DRC7: variants seen among roughly 807,000 people sequenced by gnomAD.
The protein encoded by DRC7 is coiled-coil domain containing 135.
Under a neutral mutation model 104.4 loss-of-function variants are expected in DRC7, and 80 were observed. The observed-to-expected ratio is 0.77, with a 90% confidence interval of 0.64 to 0.92. The LOEUF (loss-of-function observed/expected upper bound fraction) is 0.92, where lower values mean the gene tolerates loss of function less well. Among genes scored for constraint, DRC7 ranks in the 40% least tolerant of loss-of-function variants. DRC7 has a pLI of 0.00. For synonymous variants in DRC7, 405 were observed against 447.3 expected, an observed-to-expected ratio of 0.91 and a Z score of 1.19; for missense variants, 1,034 against 1,141.1, an observed-to-expected ratio of 0.91 and a Z score of 1.35.
intron 17 of DRC7, 27 bp downstream of exon 17, chr16:57,728,611 G>C (rs755018997): frequency 1.2e-5 from 18 of 1,531,294 alleles, no homozygotes; most frequent in African/African-American, 5.6e-5. Flanking sequence ...TGTTGGGGAG[G>C]GGGGGATCTC....
intron 16 of DRC7, 75 bp from the exon 17 acceptor site, chr16:57,728,315 C>G: frequency 7.2e-7 from 1 of 1,392,164 alleles, no homozygotes; most frequent in African/African-American, 1.5e-5. Flanking sequence ...TGTGCTGGCA[C>G]ACTGCTGATG....
chr16:57,722,636 G>A (rs1350524643), intron 10 of DRC7, 77 bp from the exon 11 acceptor site: 10 of 1,584,764 alleles, frequency 6.3e-6, no homozygotes, highest in Middle Eastern at 1.7e-4. Context: ...GGCAGTGGAT[G>A]GATGAATGGC....
rs775422506 is a variant in DRC7, at chr16:57,707,654, G to T, written c.1053G>T (p.Met351Ile). 7 of 1,613,302 alleles carry T rather than the reference G, an allele frequency of 4.3e-6. No homozygotes were observed. The highest frequency in any genetic ancestry group is 1.3e-5 in the African/African-American group (1 of 74,892). The change falls in exon 8 of 19, where the codon ATG (methionine) becomes ATT (isoleucine). Residue 351 changes from methionine to isoleucine, a missense_variant. Met to Ile is a conservative substitution (Grantham distance 10). Transcript: ENST00000360716. The stretch of plus-strand genomic sequence containing the variant: ...ACCACAAGAACTACTGGATCAACAT[G>T]CAGGATTGCTGGAACTGCTGCAAGG... ...LWNHKNYWIN[M>I]QDCWNCCKDL...
chr16:57,710,304 C>A (rs2148749090), intron 8 of DRC7, among the ~76,000 whole-genome samples: 1 of 152,192 alleles, frequency 6.6e-6, no homozygotes, highest in Admixed American at 6.5e-5. Flanking sequence ...TAAATTTCAC[C>A]TTCTGACTAT....
chr16:57,725,959 C>G, intron 13 of DRC7, 109 bp from the exon 14 acceptor site: 1 of 940,792 alleles, frequency 1.1e-6, no homozygotes. Flanking sequence ...CCAAACGACC[C>G]CAGACTCCAG....
At chr16:57,704,376 TACACACACACAC>T (rs55873452) in intron 6 of DRC7, among the ~76,000 whole-genome samples, 4 of 148,994 alleles carry the variant, frequency 2.7e-5, no homozygotes, top group Admixed American at 2.0e-4. Flanking sequence ...CACGCAAGCG[TACACACACACAC>T]ACACACACAC....
intron 12 of DRC7, among the ~76,000 whole-genome samples, chr16:57,723,402 G>C (rs545700482): frequency 6.6e-6 from 1 of 152,280 alleles, no homozygotes; most frequent in East Asian, 1.9e-4. Context: ...AATCAGGCCG[G>C]AACCTCACCA....
chr16:57,727,410 G>A lies in DRC7; in HGVS notation c.2196+1G>A, dbSNP rs2048985038. ...GAGCAAGGAATATCGGGAGGCCATG[G>A]TCAGTCCCAATCCCTTCTCCAGGCC... is the stretch of plus-strand genomic sequence containing the variant. On this transcript the variant is annotated splice_donor_variant, in intron 16 of 18. Coordinates refer to ENST00000360716, the MANE Select transcript of DRC7 (RefSeq NM_001289162.2). LOFTEE classifies it high-confidence loss of function. 1 of 1,609,648 alleles carries A rather than the reference G, an allele frequency of 6.2e-7. No individual in the cohort carries two copies. Among genetic ancestry groups the A allele is most frequent in the Admixed American group, 1.7e-5 (1 of 59,994 alleles).
chr16:57,700,397 C>T, intron 5 of DRC7, 127 bp downstream of exon 5: 1 of 1,277,496 alleles, frequency 7.8e-7, no homozygotes, highest in Non-Finnish European at 1.1e-6. Context: ...GCCTGTAATC[C>T]CAGCATTTTG....
In DRC7 at chr16:57,726,945, A is replaced by G. The variant is rs200458336; in HGVS notation, c.2085+3A>G. The G allele has an allele frequency of 6.9e-6, 11 of 1,586,674 alleles. No homozygotes were observed. The highest frequency in any genetic ancestry group is 3.4e-5 in the Admixed American group (2 of 59,666). ...AGGTCTGGGAGTCAGAGCTGGAGGT[A>G]GGGTCCTGTGGGAGAGTGAGCAGGT... On this transcript the variant is annotated splice_donor_region_variant and intron_variant, in intron 15 of 18. Coordinates refer to ENST00000360716, the MANE Select transcript of DRC7 (RefSeq NM_001289162.2).
intron 6 of DRC7, among the ~76,000 whole-genome samples, chr16:57,704,087 G>A (rs372162819): frequency 3.2e-4 from 49 of 151,668 alleles, no homozygotes; most frequent in African/African-American, 7.8e-4. Flanking sequence ...GAGAACTTTC[G>A]GGTTTAAAAT....
At chr16:57,697,397 C>G (rs889883728) in intron 2 of DRC7, among the ~76,000 whole-genome samples, 1 of 151,418 alleles carries the variant, frequency 6.6e-6, no homozygotes. Context: ...TAGCCAGACC[C>G]TGTCTCTACC....
intron 7 of DRC7, 128 bp from the exon 8 acceptor site, chr16:57,707,332 C>T (rs1008491368): frequency 2.6e-5 from 20 of 773,526 alleles, no homozygotes; most frequent in East Asian, 5.4e-5. Context: ...CGTCACACTC[C>T]GGTTGATGGT....
In DRC7 at chr16:57,730,979, G is replaced by C; in HGVS notation, c.2440G>C (p.Val814Leu). The change falls in exon 18 of 19, where the codon GTG (valine) becomes CTG (leucine). Residue 814 changes from valine to leucine, a missense_variant. Coordinates refer to ENST00000360716, the MANE Select transcript of DRC7 (RefSeq NM_001289162.2). ...KKQQWYQENQ[V>L]TLTPEDEDLY... ...GCAGCAGTGGTACCAGGAGAACCAG[G>C]TGACGCTGACACCCGAGGATGAAGA... 6.2e-7 allele frequency: 1 copy of C among 1,613,606 alleles called. No individual in the cohort carries two copies. The highest frequency in any genetic ancestry group is 2.2e-5 in the East Asian group (1 of 44,888).
At chr16:57,702,220 C>T in intron 6 of DRC7, 90 bp downstream of exon 6, 3 of 1,390,652 alleles carry the variant, frequency 2.2e-6, no homozygotes, top group Non-Finnish European at 3.0e-6. Flanking sequence ...ATCACTGCCG[C>T]CTCATCCCCA....
chr16:57,728,243 G>T lies in DRC7; in HGVS notation c.2197-147G>T, dbSNP rs1245424876. 4 of 631,118 alleles carry T rather than the reference G, an allele frequency of 6.3e-6. No individual in the cohort carries two copies. In the Admixed American group the frequency reaches 1.2e-4, roughly 18 times the overall value. The allele number at this position is 631,118 out of a possible 1,614,324, so 39.1% of individuals were successfully genotyped here. A position where few individuals can be genotyped will look rare whatever the true frequency, so the allele number is the denominator to read the frequency against. Reference sequence around the variant, plus strand: ...ACACAGGTCCAGAGACCAGCATGTGGGCCCTTCTAAGGCCCATCTTGGAGG... The same window carrying T: ...ACACAGGTCCAGAGACCAGCATGTGTGCCCTTCTAAGGCCCATCTTGGAGG... On this transcript the variant is annotated intron_variant, in intron 16 of 18. Transcript: ENST00000360716.
chr16:57,718,292 G>A (rs189347816), intron 8 of DRC7, 55 bp from the exon 9 acceptor site: 5 of 1,594,980 alleles, frequency 3.1e-6, no homozygotes, highest in Admixed American at 3.4e-5. Flanking sequence ...CATGGATCAG[G>A]TGGGGACGTG....
intron 17 of DRC7, among the ~76,000 whole-genome samples, chr16:57,729,458 ATGAG>A (rs1253044906): frequency 2.8e-5 from 2 of 71,334 alleles, no homozygotes; most frequent in South Asian, 5.7e-4. Context: ...GGGTGGGTGG[ATGAG>A]TGAGTGGGTG....
At chr16:57,701,346 A>G in intron 5 of DRC7, 1 of 152,942 alleles carries the variant, frequency 6.5e-6, no homozygotes, top group Non-Finnish European at 1.5e-5. Flanking sequence ...GCCTAGAGAG[A>G]GACAGCCACT....
Sources: allele counts gnomAD v4.1 joint callset (sites outside exome capture counted in the v4.1 genomes callset), GRCh38; gene constraint gnomAD v4.1.1; transcripts MANE v1.5; gene names NCBI Gene and HGNC (gene_info 2026-07-23, HGNC 2026-07-21).